The following KNOP1 variants were observed in gnomAD, a reference collection of about 807,000 sequenced individuals.
KNOP1 encodes lysine rich nucleolar protein 1.
A neutral mutation model predicts 30.6 loss-of-function variants in KNOP1; 20 were observed. The observed-to-expected ratio is 0.65, with a 90% CI of 0.46 to 0.95. KNOP1 has a LOEUF of 0.95. KNOP1 is among the 40% of genes least tolerant of loss of function. The pLI is 0.00. For missense variants in KNOP1, 540 were observed against 562.0 expected, an observed-to-expected ratio of 0.96 and a Z score of 0.40; for synonymous variants, 204 against 210.0, an observed-to-expected ratio of 0.97 and a Z score of 0.25.
chr16:19,709,361 A>T (rs1976586317), intron 4 of KNOP1, among the ~76,000 whole-genome samples: 1 of 152,172 alleles, frequency 6.6e-6, no homozygotes, highest in African/African-American at 2.4e-5. Flanking sequence ...CCCAAAATCC[A>T]ATCTATGAAC....
chr16:19,712,179 G>A (rs906174086), intron 2 of KNOP1: 2 of 152,206 alleles, frequency 1.3e-5, no homozygotes, highest in East Asian at 1.9e-4. Flanking sequence ...TCTGATGGCG[G>A]CTGGGCCCAA....
At chr16:19,713,383 G>A (rs1976818212) in intron 2 of KNOP1, among the ~76,000 whole-genome samples, 1 of 152,118 alleles carries the variant, frequency 6.6e-6, no homozygotes, top group Admixed American at 6.5e-5. Context: ...ATGAGCCACC[G>A]CACCCGGCCA....
chr16:19,718,055 G>T, intron 1 of KNOP1, 103 bp downstream of exon 1: 5 of 1,413,048 alleles, frequency 3.5e-6, no homozygotes, highest in Non-Finnish European at 4.6e-6. Flanking sequence ...CGGATTCAGG[G>T]ATGTGGGTGG....
At position 19,706,737 on chromosome 16, in the gene KNOP1, T is replaced by C. The variant is rs1389645172; in HGVS notation, c.*173A>G. On this transcript the variant is annotated 3_prime_UTR_variant, in exon 5 of 5. Coordinates refer to ENST00000219837, the MANE Select transcript of KNOP1 (RefSeq NM_001012991.3). ...TTCATTTGCACAACTGAATAAACCA[T>C]TTATGCCTAGTGTTCCATTACTGGA... 1 of 702,038 alleles carries C rather than the reference T, an allele frequency of 1.4e-6. No homozygotes were observed. The highest frequency in any genetic ancestry group is 2.5e-5 in the Admixed American group (1 of 40,216). The allele number at this position is 702,038 out of a possible 1,614,324, so 43.5% of individuals were successfully genotyped here.
At position 19,704,838 on chromosome 16, in the gene KNOP1, A is replaced by C. The variant is rs1976297341; in HGVS notation, c.*2072T>G. On this transcript the variant is annotated 3_prime_UTR_variant, in exon 5 of 5. Transcript: ENST00000219837. The stretch of plus-strand genomic sequence containing the variant: ...AGTGGCCCAAGTAGGTCCTTGTAGC[A>C]CATACTTGTCCAACTATTGACCTGG... 2 of 221,324 alleles carry C rather than the reference A, an allele frequency of 9.0e-6. No homozygotes were observed. Among genetic ancestry groups the C allele is most frequent in the African/African-American group, 4.6e-5 (2 of 43,414 alleles). The allele number at this position is 221,324 out of a possible 1,614,324, so 13.7% of individuals were successfully genotyped here.
In KNOP1 at chr16:19,718,163, G is replaced by A. The variant is rs367819640; in HGVS notation, c.-8C>T. 90 of 1,477,184 alleles carry A rather than the reference G, an allele frequency of 6.1e-5. No individual in the cohort carries two copies. In the East Asian group the frequency reaches 1.8e-3, roughly 30 times the overall value. 91.5% of individuals were successfully genotyped at this position (1,477,184 alleles called of 1,614,324 possible). On this transcript the variant is annotated 5_prime_UTR_variant, in exon 1 of 5. Coordinates refer to ENST00000219837, the MANE Select transcript of KNOP1 (RefSeq NM_001012991.3). ...CAACGCGCCCTGGCACTCACCGGTG[G>A]GCGAAATTTCCCCGCCTCCACGTGA... is the stretch of plus-strand genomic sequence containing the variant.
At chr16:19,714,060 T>G in intron 2 of KNOP1, 58 bp downstream of exon 2, 1 of 1,254,602 alleles carries the variant, frequency 8.0e-7, no homozygotes, top group Non-Finnish European at 1.1e-6. Context: ...TACACACCCC[T>G]CCCAAACCCC....
At position 19,703,673 on chromosome 16, in the gene KNOP1, T is replaced by C. The variant is rs1426157775; in HGVS notation, c.*3237A>G. On this transcript the variant is annotated 3_prime_UTR_variant, in exon 5 of 5. Coordinates refer to ENST00000219837, the MANE Select transcript of KNOP1 (RefSeq NM_001012991.3). ...TGGAGGGTGGTGCTCAAACCAATGT[T>C]AATTTACAAAGGATGGGAGCTCAGA... The C allele has an allele frequency of 6.6e-6, 1 of 151,976 alleles. No individual in the cohort carries two copies. Among genetic ancestry groups the C allele is most frequent in the Non-Finnish European group, 1.5e-5 (1 of 68,018 alleles). 9.4% of individuals were successfully genotyped at this position (151,976 alleles called of 1,614,324 possible).
intron 2 of KNOP1, chr16:19,711,667 G>A (rs990506022): frequency 3.6e-6 from 2 of 560,436 alleles, no homozygotes; most frequent in Non-Finnish European, 6.4e-6. Flanking sequence ...GACGGATGAA[G>A]AAACTGAGAC....
At position 19,714,375 on chromosome 16, in the gene KNOP1, C is replaced by A. The variant is rs759355259; in HGVS notation, c.661G>T (p.Glu221Ter). ...KVKKKKKIHQ[E>*]GDALPGHSKP... Reference sequence around the variant, plus strand: ...GAGTGGCCTGGGAGGGCATCTCCCTCCTGGTGGATTTTTTTTTTCTTCTTC... The same window carrying A: ...GAGTGGCCTGGGAGGGCATCTCCCTACTGGTGGATTTTTTTTTTCTTCTTC... Residue 221 changes from glutamate to a stop codon, truncating the protein, a stop_gained, in exon 2 of 5, where the codon GAG becomes TAG. Coordinates refer to ENST00000219837, the MANE Select transcript of KNOP1 (RefSeq NM_001012991.3). LOFTEE classifies it high-confidence loss of function. 3 of 1,613,992 alleles carry A rather than the reference C, an allele frequency of 1.9e-6. No homozygotes were observed. The highest frequency in any genetic ancestry group is 2.5e-6 in the Non-Finnish European group (3 of 1,179,966).
At chr16:19,713,072 G>C (rs887692942) in intron 2 of KNOP1, among the ~76,000 whole-genome samples, 5 of 152,116 alleles carry the variant, frequency 3.3e-5, no homozygotes, top group Non-Finnish European at 7.4e-5. Context: ...GGTTTAGTTA[G>C]GACTGATACC....
In KNOP1 at chr16:19,714,455, G is replaced by T. The variant is rs1328840112; in HGVS notation, c.581C>A (p.Ala194Glu). 38 of 1,613,810 alleles carry T rather than the reference G, an allele frequency of 2.4e-5. No homozygotes were observed. Among genetic ancestry groups the T allele is most frequent in the Non-Finnish European group, 3.2e-5 (38 of 1,180,006 alleles). ...CSVGKKDEEQ[A>E]ALGQKRKRKS... is the part of the protein sequence containing the mutation. ...CCGCTTCCGTTTCTGCCCCAAGGCT[G>T]CCTGTTCCTCATCCTTCTTCCCCAC... The change falls in exon 2 of 5, where the codon GCA (alanine) becomes GAA (glutamate). Residue 194 changes from alanine (A) to glutamate (E), a missense_variant. Transcript: ENST00000219837.
chr16:19,715,143 T>C, intron 1 of KNOP1, 106 bp from the exon 2 acceptor site: 2 of 756,684 alleles, frequency 2.6e-6, no homozygotes, highest in Non-Finnish European at 4.2e-6. Flanking sequence ...GTCAAAGCGT[T>C]GTGGGACAGG....
intron 4 of KNOP1, 94 bp from the exon 5 acceptor site, chr16:19,707,315 T>G (rs1405297672): frequency 4.2e-6 from 4 of 963,372 alleles, no homozygotes; most frequent in Non-Finnish European, 6.4e-6. Context: ...CCCAGCAGAT[T>G]AGATGGCTGC....
At position 19,715,051 on chromosome 16, in the gene KNOP1, T is replaced by C. The variant is rs1314599528; in HGVS notation, c.-2-14A>G. On this transcript the variant is annotated splice_polypyrimidine_tract_variant and intron_variant, in intron 1 of 4. Coordinates refer to ENST00000219837, the MANE Select transcript of KNOP1 (RefSeq NM_001012991.3). ...TGGTGATCATTCCTGAAAAAACAAA[T>C]GGTACAAGTTATCCCATACCAAGCC... 8 of 1,528,308 alleles carry C rather than the reference T, an allele frequency of 5.2e-6. No homozygotes were observed. Among genetic ancestry groups the C allele is most frequent in the Non-Finnish European group, 6.1e-6 (7 of 1,144,374 alleles). 94.7% of individuals were successfully genotyped at this position (1,528,308 alleles called of 1,614,324 possible).
intron 1 of KNOP1, chr16:19,717,236 T>C (rs775231675): frequency 2.5e-4 from 210 of 832,098 alleles, no homozygotes; most frequent in Non-Finnish European, 2.9e-4. Flanking sequence ...GTTTCAGGCA[T>C]CCACTGGGGG....
Position 19,705,787 on chromosome 16 carries a change from G to A in KNOP1, c.*1123C>T, listed in dbSNP as rs1976330547. 2 of 153,884 alleles carry A rather than the reference G, an allele frequency of 1.3e-5. No individual in the cohort carries two copies. Among genetic ancestry groups the A allele is most frequent in the African/African-American group, 4.8e-5 (2 of 41,462 alleles). 9.5% of individuals were successfully genotyped at this position (153,884 alleles called of 1,614,324 possible). On this transcript the variant is annotated 3_prime_UTR_variant, in exon 5 of 5. Transcript: ENST00000219837. ...GCACACCCACAGTCCCAGCTACTTG[G>A]GAGGCTGAGGTGGGAGGATCACTTA... is the stretch of plus-strand genomic sequence containing the variant.
chr16:19,704,371 C>G lies in KNOP1; in HGVS notation c.*2539G>C, dbSNP rs1489183015. The G allele has an allele frequency of 2.0e-5, 3 of 152,424 alleles. No homozygotes were observed. Among genetic ancestry groups the G allele is most frequent in the Admixed American group, 2.0e-4 (3 of 15,282 alleles). The allele number at this position is 152,424 out of a possible 1,614,324, so 9.4% of individuals were successfully genotyped here. ...AAGTGCTGGGATTACAGGCGTGAGT[C>G]ACCGCACCTGGCAGAGCACAACCTT... is the stretch of plus-strand genomic sequence containing the variant. On this transcript the variant is annotated 3_prime_UTR_variant, in exon 5 of 5. Transcript: ENST00000219837.
chr16:19,717,482 A>AC (rs1977218600), intron 1 of KNOP1: 1 of 985,374 alleles, frequency 1.0e-6, no homozygotes, highest in African/African-American at 1.7e-5. Context: ...AGTGGCCAAG[A>AC]GATCTGGTAA....
Sources: allele counts gnomAD v4.1 joint callset (sites outside exome capture counted in the v4.1 genomes callset), GRCh38; gene constraint gnomAD v4.1.1; transcripts MANE v1.5; gene names NCBI Gene and HGNC (gene_info 2026-07-23, HGNC 2026-07-21).